Variants in FANCC observed in about 807,000 individuals in gnomAD.
The protein encoded by FANCC is Fanconi anemia group C protein.
In FANCC, 55 loss-of-function variants were observed where a neutral mutation model predicts 71.3. The ratio of observed to expected loss-of-function variants is 0.77; its 90% confidence interval spans 0.62 to 0.97. FANCC has a LOEUF of 0.97. FANCC is among the 50% of genes least tolerant of loss of function. The pLI is 0.00. For missense variants in FANCC, 678 were observed against 670.9 expected (o/e 1.01, Z -0.12); for synonymous variants, 275 against 244.9 (o/e 1.12, Z -1.15).
chr9:95,191,144 C>G (rs936306205), intron 4 of FANCC, among the ~76,000 whole-genome samples: 1 of 152,060 alleles, frequency 6.6e-6, no homozygotes, highest in African/African-American at 2.4e-5. Flanking sequence ...CATTTCTATG[C>G]TGGGGTCTTC....
intron 1 of FANCC, among the ~76,000 whole-genome samples, chr9:95,285,809 T>C (rs1046563241): frequency 2.0e-5 from 3 of 152,256 alleles, no homozygotes; most frequent in Non-Finnish European, 2.9e-5. Flanking sequence ...AATGTGTTTA[T>C]ACCCTTTCAC....
intron 1 of FANCC, among the ~76,000 whole-genome samples, chr9:95,251,134 T>C (rs943208507): frequency 1.3e-5 from 2 of 152,306 alleles, no homozygotes; most frequent in African/African-American, 4.8e-5. Flanking sequence ...TTCACTTAGT[T>C]ACCGCTTCCT....
chr9:95,210,026 C>T (rs892469768), intron 4 of FANCC, among the ~76,000 whole-genome samples: 5 of 152,242 alleles, frequency 3.3e-5, no homozygotes, highest in Admixed American at 6.5e-5. Flanking sequence ...TGAATGCACA[C>T]GACTACATGC....
intron 4 of FANCC, among the ~76,000 whole-genome samples, chr9:95,183,369 T>G (rs1826497765): frequency 6.6e-6 from 1 of 152,220 alleles, no homozygotes; most frequent in African/African-American, 2.4e-5. Flanking sequence ...TGCCTCGCTG[T>G]CCTTCACATT....
chr9:95,239,695 C>T (rs1467979831), intron 4 of FANCC, among the ~76,000 whole-genome samples: 1 of 152,216 alleles, frequency 6.6e-6, no homozygotes, highest in African/African-American at 2.4e-5. Context: ...TTCTTTCCTT[C>T]CATTGCCCAA....
At chr9:95,191,146 G>A (rs1053688960) in intron 4 of FANCC, among the ~76,000 whole-genome samples, 4 of 151,976 alleles carry the variant, frequency 2.6e-5, no homozygotes, top group Non-Finnish European at 4.4e-5. Context: ...TTTCTATGCT[G>A]GGGTCTTCTG....
intron 1 of FANCC, among the ~76,000 whole-genome samples, chr9:95,299,105 C>T (rs948649160): frequency 1.1e-4 from 17 of 152,290 alleles, no homozygotes; most frequent in African/African-American, 4.1e-4. Flanking sequence ...ACACCATTTA[C>T]CTTACTTTTA....
intron 1 of FANCC, among the ~76,000 whole-genome samples, chr9:95,287,782 G>C (rs1420272260): frequency 6.6e-6 from 1 of 152,152 alleles, no homozygotes; most frequent in African/African-American, 2.4e-5. Flanking sequence ...TCTCTTTCTT[G>C]TGTACAACAA....
intron 4 of FANCC, among the ~76,000 whole-genome samples, chr9:95,201,078 T>C (rs1454873284): frequency 6.6e-6 from 1 of 152,214 alleles, no homozygotes; most frequent in Non-Finnish European, 1.5e-5. Flanking sequence ...TACTATGCAA[T>C]GTAAAAATAC....
chr9:95,306,474 C>G lies in FANCC; in HGVS notation c.-79+11052G>C, dbSNP rs117751569. Among the ~76,000 whole-genome samples the G allele has an allele frequency of 4.7e-3, 711 of 152,278 alleles. 6 individuals carry two copies. Among genetic ancestry groups the G allele is most frequent in the Non-Finnish European group, 7.1e-3 (484 of 68,034 alleles). ...GCGAAAGACTTGCTTAACAATGCTT[C>G]CATAGGAAGCTTCAGCCCCCCTTGG... is the stretch of plus-strand genomic sequence containing the variant. On this transcript the variant is annotated intron_variant, in intron 1 of 14. Coordinates refer to ENST00000289081, the MANE Select transcript of FANCC (RefSeq NM_000136.3).
chr9:95,202,802 A>T (rs1827882036), intron 4 of FANCC, among the ~76,000 whole-genome samples: 1 of 152,226 alleles, frequency 6.6e-6, no homozygotes, highest in African/African-American at 2.4e-5. Flanking sequence ...AGCAAAAAAT[A>T]TTAGGTAACT....
chr9:95,263,410 T>C (rs1351450436), intron 1 of FANCC, among the ~76,000 whole-genome samples: 1 of 151,982 alleles, frequency 6.6e-6, no homozygotes, highest in Non-Finnish European at 1.5e-5. Context: ...TTCAAATGTT[T>C]TGTTCTCAGG....
intron 4 of FANCC, among the ~76,000 whole-genome samples, chr9:95,197,980 G>C (rs1380109234): frequency 6.6e-6 from 1 of 152,172 alleles, no homozygotes; most frequent in Non-Finnish European, 1.5e-5. Flanking sequence ...AGAAAGGGTT[G>C]ATCTCATCAG....
intron 1 of FANCC, among the ~76,000 whole-genome samples, chr9:95,313,917 C>T (rs1178808558): frequency 6.6e-6 from 1 of 152,070 alleles, no homozygotes; most frequent in African/African-American, 2.4e-5. Context: ...AATCTAGTAA[C>T]AGAAGGAAAA....
intron 4 of FANCC, among the ~76,000 whole-genome samples, chr9:95,236,945 C>T (rs76872109): frequency 0.034 from 5,097 of 152,132 alleles, 292 homozygotes; most frequent in African/African-American, 0.12. Flanking sequence ...TCAAGTATAC[C>T]GGAGATGTGA....
rs1261634853 is a variant in FANCC, at chr9:95,243,580, C to G, written c.251-2837G>C. On this transcript the variant is annotated intron_variant, in intron 3 of 14. Coordinates refer to ENST00000289081, the MANE Select transcript of FANCC (RefSeq NM_000136.3). ...TGGGCGGATCACAAGGTCAGGAGAT[C>G]AAGACCATCCTAGCTAACACGGTGA... Among the ~76,000 whole-genome samples the G allele has an allele frequency of 2.6e-5, 4 of 150,984 alleles. No individual in the cohort carries two copies. The East Asian group carries it at 7.8e-4, about 29-fold the overall frequency.
chr9:95,252,156 G>A (rs909034078), intron 1 of FANCC, among the ~76,000 whole-genome samples: 1 of 151,236 alleles, frequency 6.6e-6, no homozygotes, highest in African/African-American at 2.4e-5. Context: ...GCAGGAGCCT[G>A]TAATCCCAGC....
At chr9:95,208,203 T>C (rs1828267472) in intron 4 of FANCC, among the ~76,000 whole-genome samples, 1 of 147,850 alleles carries the variant, frequency 6.8e-6, no homozygotes, top group Admixed American at 6.8e-5. Flanking sequence ...GTTCAAGCGA[T>C]TCTCCTGCCT....
At chr9:95,168,857 A>G (rs992825893) in intron 6 of FANCC, among the ~76,000 whole-genome samples, 2 of 152,224 alleles carry the variant, frequency 1.3e-5, no homozygotes, top group African/African-American at 4.8e-5. Context: ...GAGTAGCATG[A>G]TGAAATCTCA....
Sources: gnomAD v4.1 joint callset for allele counts (sites outside exome capture counted in the v4.1 genomes callset) on GRCh38, gnomAD v4.1.1 for gene constraint, MANE v1.5 for transcripts, NCBI Gene and HGNC (gene_info 2026-07-23, HGNC 2026-07-21) for gene names.